CSMD2: variants seen among roughly 807,000 people sequenced by gnomAD.
The protein encoded by CSMD2 is CUB and sushi domain-containing protein 2.
CSMD2 carries 130 observed loss-of-function variants against 398.5 expected under a neutral mutation model. That is an observed-to-expected ratio of 0.33 (90% CI 0.28 to 0.38). The LOEUF is 0.38. Among genes scored for constraint, CSMD2 ranks in the 10% least tolerant of loss-of-function variants. The probability of loss-of-function intolerance (pLI) is 1.00; values close to 1 mark genes in which losing one functional copy is unlikely to be tolerated. For synonymous variants in CSMD2, 1,828 were observed against 1,908.5 expected (o/e 0.96, Z 1.10); for missense variants, 3,829 against 4,764.9 (o/e 0.80, Z 5.78).
chr1:33,645,344 TAC>T (rs4044501), intron 29 of CSMD2, among the ~76,000 whole-genome samples: 28,872 of 135,966 alleles, frequency 0.21, 3,102 homozygotes, highest in Non-Finnish European at 0.26. Context: ...TGGAGCATTA[TAC>T]ACACACACAC....
intron 5 of CSMD2, among the ~76,000 whole-genome samples, chr1:33,883,139 G>A (rs1238883951): frequency 3.3e-5 from 5 of 152,156 alleles, no homozygotes. Flanking sequence ...ACTACCCATT[G>A]GTTCAGTTTC....
rs371532809 is a variant in CSMD2, at chr1:33,743,506, C to G, written c.1947G>C (p.Leu649=). The change falls in exon 14 of 71, where the codon CTG becomes CTC. Residue 649 remains leucine (L), a synonymous_variant. Transcript: ENST00000373381. ...GNHLHCVWLI[L]ARPESRIHLA... The stretch of plus-strand genomic sequence containing the variant: ...GGTGGATGCGGCTCTCAGGCCTGGC[C>G]AGGATGAGCCAGACACAGTGGAGGT... 8.7e-6 allele frequency: 14 copies of G among 1,613,998 alleles called. No individual in the cohort carries two copies. The African/African-American group carries it at 1.7e-4, about 20-fold the overall frequency.
At chr1:33,762,619 T>C (rs1029572655) in intron 13 of CSMD2, among the ~76,000 whole-genome samples, 3 of 152,180 alleles carry the variant, frequency 2.0e-5, no homozygotes, top group Admixed American at 6.5e-5. Context: ...CTGGGTTGGA[T>C]TGGACTGAAA....
chr1:33,564,002 G>C (rs1300336477), intron 53 of CSMD2, among the ~76,000 whole-genome samples: 2 of 152,022 alleles, frequency 1.3e-5, no homozygotes, highest in African/African-American at 2.4e-5. Flanking sequence ...CTCCAAGAGA[G>C]AATGGGCCTT....
chr1:34,021,050 T>C (rs1422771840), intron 3 of CSMD2, among the ~76,000 whole-genome samples: 1 of 152,156 alleles, frequency 6.6e-6, no homozygotes, highest in Admixed American at 6.5e-5. Flanking sequence ...GCTGTTAAAA[T>C]GAAATATCAG....
intron 3 of CSMD2, among the ~76,000 whole-genome samples, chr1:34,017,960 T>C (rs1159858616): frequency 6.6e-6 from 1 of 152,160 alleles, no homozygotes; most frequent in Non-Finnish European, 1.5e-5. Flanking sequence ...TGAGTGTTAG[T>C]TTACTCTGAT....
intron 12 of CSMD2, 45 bp from the exon 13 acceptor site, chr1:33,772,796 A>G: frequency 1.9e-6 from 3 of 1,555,080 alleles, no homozygotes; most frequent in East Asian, 4.5e-5. Flanking sequence ...AGGTGACTTT[A>G]TACCTCTTTT....
chr1:34,144,794 T>C (rs527730060), intron 1 of CSMD2, among the ~76,000 whole-genome samples: 1 of 152,262 alleles, frequency 6.6e-6, no homozygotes, highest in African/African-American at 2.4e-5. Context: ...CTGCCTGGGG[T>C]TCCCAGACCC....
intron 64 of CSMD2, among the ~76,000 whole-genome samples, chr1:33,531,761 T>C (rs1025840354): frequency 2.0e-5 from 3 of 152,150 alleles, no homozygotes; most frequent in East Asian, 1.9e-4. Context: ...GTACTTAGAA[T>C]AGGCAAATTT....
At position 33,625,085 on chromosome 1, in the gene CSMD2, C is replaced by G; in HGVS notation, c.5466G>C (p.Leu1822Phe). 6.2e-7 allele frequency: 1 copy of G among 1,614,084 alleles called. No individual in the cohort carries two copies. Among genetic ancestry groups the G allele is most frequent in the Non-Finnish European group, 8.5e-7 (1 of 1,180,022 alleles). The change falls in exon 34 of 71, where the codon TTG becomes TTC. Residue 1822 changes from leucine (L) to phenylalanine (F), a missense_variant. By Grantham distance (22) the Leu-to-Phe change is conservative (BLOSUM62 0). Around this residue, in one of 5 missense-constraint regions of CSMD2, gnomAD observed 2,001 missense variants for 2,567.1 expected, o/e 0.78. Transcript: ENST00000373381. ...EIECLPVPGA[L>F]AQWNVSAPTC... ...TGGGCGCTGAGACATTCCATTGGGC[C>G]AAGGCCCCAGGCACAGGGAGGCACT...
At chr1:33,978,860 C>T (rs138250912) in intron 3 of CSMD2, among the ~76,000 whole-genome samples, 2 of 152,280 alleles carry the variant, frequency 1.3e-5, no homozygotes, top group African/African-American at 4.8e-5. Context: ...AAGCTCTTTG[C>T]AAAATTATCT....
chr1:34,025,965 G>A lies in CSMD2; in HGVS notation c.517+6629C>T, dbSNP rs542914884. Among the ~76,000 whole-genome samples the A allele has an allele frequency of 4.9e-4, 75 of 152,310 alleles. 1 individual carries two copies. Among genetic ancestry groups the A allele is most frequent in the African/African-American group, 1.7e-3 (70 of 41,570 alleles). On this transcript the variant is annotated intron_variant, in intron 3 of 70. Transcript: ENST00000373381. ...TGGGGCTGGGATTGTGAACTATGAA[G>A]TTGACATATTCCTTCCATCCCCTGA... is the stretch of plus-strand genomic sequence containing the variant.
chr1:33,876,845 T>A (rs1290667316), intron 5 of CSMD2, among the ~76,000 whole-genome samples: 2 of 152,298 alleles, frequency 1.3e-5, no homozygotes, highest in East Asian at 3.9e-4. Flanking sequence ...TGTGAATGGG[T>A]CTAAGCTGCT....
rs1377022641 is a variant in CSMD2, at chr1:33,724,294, A to G, written c.2904T>C (p.Ile968=). 5.0e-6 allele frequency: 8 copies of G among 1,613,860 alleles called. No homozygotes were observed. Among genetic ancestry groups the G allele is most frequent in the Non-Finnish European group, 5.9e-6 (7 of 1,179,810 alleles). ...PSCEALCGGF[I]QGSSGTILSP... ...ACAAGATGGTCCCACTGGAGCCTTGAATGAAGCCACCACAGAGAGCTACAG... is the reference window on the plus strand; with the variant it reads ...ACAAGATGGTCCCACTGGAGCCTTGGATGAAGCCACCACAGAGAGCTACAG... Residue 968 remains isoleucine (I), a synonymous_variant, in exon 19 of 71, where the codon ATT becomes ATC. Transcript: ENST00000373381.
At chr1:33,673,349 G>T (rs1353867293) in intron 25 of CSMD2, among the ~76,000 whole-genome samples, 1 of 152,224 alleles carries the variant, frequency 6.6e-6, no homozygotes, top group Non-Finnish European at 1.5e-5. Context: ...TCAACTGTAA[G>T]AAAGGGTATC....
chr1:33,995,899 A>G (rs10914833), intron 3 of CSMD2, among the ~76,000 whole-genome samples: 11,367 of 152,286 alleles, frequency 0.075, 1,062 homozygotes, highest in East Asian at 0.42. Flanking sequence ...GACTCCAACT[A>G]TCTTTACTGA....
chr1:33,524,942 C>T lies in CSMD2; in HGVS notation c.10336G>A (p.Ala3446Thr), dbSNP rs754453331. The T allele has an allele frequency of 3.3e-5, 53 of 1,614,078 alleles. No homozygotes were observed. Among genetic ancestry groups the T allele is most frequent in the Admixed American group, 8.3e-5 (5 of 60,004 alleles). Residue 3446 changes from alanine to threonine, a missense_variant, in exon 66 of 71, where the codon GCC becomes ACC. Transcript: ENST00000373381. ...ATGGTGGCATTGACCTTGCTGTTGG[C>T]AACTTGGAAGCCAGTCACTCTGAGC... Reference protein sequence around the residue: ...AMLRVTGFQVANSKVNATMID... With the variant: ...AMLRVTGFQVTNSKVNATMID...
intron 53 of CSMD2, among the ~76,000 whole-genome samples, chr1:33,566,317 AAC>A (rs1255437952): frequency 2.7e-5 from 4 of 146,704 alleles, no homozygotes; most frequent in African/African-American, 1.0e-4. Flanking sequence ...AAAAAAAAAA[AAC>A]AACCAAATAA....
chr1:34,089,260 G>A, intron 1 of CSMD2, 67 bp from the exon 2 acceptor site: 2 of 1,440,724 alleles, frequency 1.4e-6, no homozygotes, highest in East Asian at 2.4e-5. Context: ...AGAGAGTCAG[G>A]AGCAATGTGT....
Sources: allele counts gnomAD v4.1 joint callset (sites outside exome capture counted in the v4.1 genomes callset), GRCh38; gene constraint gnomAD v4.1.1; regional missense constraint gnomAD v4.1.1; transcripts MANE v1.5; gene names NCBI Gene and HGNC (gene_info 2026-07-23, HGNC 2026-07-21).